The following CAB39L variants were observed in gnomAD, a reference collection of about 807,000 sequenced individuals.
CAB39L encodes calcium-binding protein 39-like.
A neutral mutation model predicts 39.1 loss-of-function variants in CAB39L; 23 were observed. That is an observed-to-expected ratio of 0.59 (90% CI 0.42 to 0.83). The LOEUF (loss-of-function observed/expected upper bound fraction) is 0.83. Among genes scored for constraint, CAB39L ranks in the 40% least tolerant of loss-of-function variants. The pLI is 0.00. For synonymous variants in CAB39L, 126 were observed against 137.2 expected (o/e 0.92, Z 0.57); for missense variants, 366 against 391.9 (o/e 0.93, Z 0.56).
intron 5 of CAB39L, among the ~76,000 whole-genome samples, chr13:49,365,215 C>A (rs1467767650): frequency 2.0e-5 from 3 of 152,066 alleles, no homozygotes; most frequent in African/African-American, 4.8e-5. Context: ...CAGTCTTCAA[C>A]AAATAGTGCA....
At chr13:49,369,846 A>G (rs1566095650) in intron 5 of CAB39L, among the ~76,000 whole-genome samples, 1 of 152,142 alleles carries the variant, frequency 6.6e-6, no homozygotes, top group Non-Finnish European at 1.5e-5. Context: ...TCGGCCTCCC[A>G]AAGTGCTGGG....
intron 10 of CAB39L, among the ~76,000 whole-genome samples, chr13:49,322,557 T>C (rs1349750001): frequency 2.0e-5 from 3 of 152,234 alleles, no homozygotes; most frequent in Non-Finnish European, 2.9e-5. Flanking sequence ...CAATAGCTCA[T>C]TTTAACTATT....
chr13:49,420,792 GA>G (rs1182611862), intron 3 of CAB39L, among the ~76,000 whole-genome samples: 1 of 152,120 alleles, frequency 6.6e-6, no homozygotes. Flanking sequence ...TTGGAATTAC[GA>G]GAATTTGAAA....
At chr13:49,405,778 G>GGACA in intron 3 of CAB39L, among the ~76,000 whole-genome samples, 1 of 149,334 alleles carries the variant, frequency 6.7e-6, no homozygotes, top group African/African-American at 2.5e-5. Context: ...ACAGAGGGAG[G>GGACA]GAGGGAGGGA....
intron 1 of CAB39L, among the ~76,000 whole-genome samples, chr13:49,434,822 G>A (rs1489544091): frequency 6.6e-6 from 1 of 151,746 alleles, no homozygotes; most frequent in Non-Finnish European, 1.5e-5. Flanking sequence ...CAAAATCTAT[G>A]TTCTAGAGCC....
At chr13:49,352,838 T>C (rs1288323583) in intron 6 of CAB39L, among the ~76,000 whole-genome samples, 3 of 152,210 alleles carry the variant, frequency 2.0e-5, no homozygotes, top group Non-Finnish European at 2.9e-5. Flanking sequence ...ACTTTTATGA[T>C]ACTATAAAAC....
chr13:49,371,905 T>C (rs888483847), intron 5 of CAB39L, among the ~76,000 whole-genome samples: 1 of 152,194 alleles, frequency 6.6e-6, no homozygotes, highest in Non-Finnish European at 1.5e-5. Flanking sequence ...TTTGCTAATT[T>C]TTTTTAATGT....
chr13:49,408,403 T>C lies in CAB39L; in HGVS notation c.-32+24915A>G, dbSNP rs149012235. The stretch of plus-strand genomic sequence containing the variant: ...ATAAATGCCCACAGGCAGCTGAACA[T>C]ACAGAACTAGAACTTGGAGAGAAAA... On this transcript the variant is annotated intron_variant, in intron 3 of 10. Coordinates refer to ENST00000409308, the MANE Select transcript of CAB39L (RefSeq NM_001079670.3). 2.0e-3 allele frequency among the ~76,000 whole-genome samples: 311 copies of C among 152,216 alleles called. 1 individual carries two copies. Among genetic ancestry groups the C allele is most frequent in the Non-Finnish European group, 3.5e-3 (240 of 68,002 alleles).
chr13:49,369,875 C>T (rs569632603), intron 5 of CAB39L, among the ~76,000 whole-genome samples: 178 of 151,398 alleles, frequency 1.2e-3, no homozygotes, highest in African/African-American at 3.8e-3. Flanking sequence ...CGTGAGCCAC[C>T]GTGCCCAGCC....
intron 10 of CAB39L, among the ~76,000 whole-genome samples, chr13:49,329,550 T>A (rs1301758629): frequency 0.15 from 921 of 6,154 alleles, 127 homozygotes; most frequent in East Asian, 0.49. Context: ...AAAAAATATA[T>A]ATATATATAT....
intron 10 of CAB39L, among the ~76,000 whole-genome samples, chr13:49,322,507 T>C (rs1954376914): frequency 6.6e-6 from 1 of 152,248 alleles, no homozygotes; most frequent in Non-Finnish European, 1.5e-5. Flanking sequence ...AAATATTTAC[T>C]GTTATGCAGA....
At chr13:49,356,830 C>T (rs1389387901) in intron 6 of CAB39L, among the ~76,000 whole-genome samples, 1 of 151,908 alleles carries the variant, frequency 6.6e-6, no homozygotes, top group Non-Finnish European at 1.5e-5. Context: ...TTTGGGAGGC[C>T]GAGGCAGGCA....
intron 5 of CAB39L, among the ~76,000 whole-genome samples, chr13:49,368,555 A>C (rs1266078591): frequency 6.6e-6 from 1 of 152,190 alleles, no homozygotes; most frequent in Non-Finnish European, 1.5e-5. Flanking sequence ...AAAAGACAGA[A>C]AAACCCTAAA....
In CAB39L at chr13:49,377,041, G is replaced by C. The variant is rs1261641666; in HGVS notation, c.202C>G (p.Gln68Glu). ...CTGCTGTAGAGTTCTTGTGCTAGCTGAGCCACTGCTTCTGTTGGGGGTTCT... is the reference window on the plus strand; with the variant it reads ...CTGCTGTAGAGTTCTTGTGCTAGCTCAGCCACTGCTTCTGTTGGGGGTTCT... ...EKEPPTEAVA[Q>E]LAQELYSSGL... The change falls in exon 5 of 11, where the codon CAG becomes GAG. Residue 68 changes from glutamine (Q) to glutamate (E), a missense_variant. Transcript: ENST00000409308. 6.2e-7 allele frequency: 1 copy of C among 1,613,828 alleles called. No homozygotes were observed. The highest frequency in any genetic ancestry group is 8.5e-7 in the Non-Finnish European group (1 of 1,179,734).
chr13:49,344,323 A>G, intron 7 of CAB39L, 85 bp from the exon 8 acceptor site: 4 of 765,194 alleles, frequency 5.2e-6, no homozygotes, highest in East Asian at 2.6e-5. Flanking sequence ...AAGAACATAT[A>G]AAAGTTGCAG....
chr13:49,387,125 T>C (rs1373310755), intron 3 of CAB39L, among the ~76,000 whole-genome samples: 7 of 152,204 alleles, frequency 4.6e-5, no homozygotes, highest in African/African-American at 1.7e-4. Context: ...ACTTGTTCTA[T>C]CTGTAAAACG....
At chr13:49,422,617 ATTTT>A (rs1215728098) in intron 3 of CAB39L, among the ~76,000 whole-genome samples, 1 of 143,954 alleles carries the variant, frequency 6.9e-6, no homozygotes, top group Non-Finnish European at 1.5e-5. Context: ...TTCTCCCTTA[ATTTT>A]TTTTTTTTTT....
chr13:49,322,857 C>T (rs556730044), intron 10 of CAB39L, among the ~76,000 whole-genome samples: 215 of 152,268 alleles, frequency 1.4e-3, no homozygotes, highest in Non-Finnish European at 2.2e-3. Context: ...CTACAACTCC[C>T]GTTCTCAGAA....
chr13:49,368,358 G>T (rs930587443), intron 5 of CAB39L, among the ~76,000 whole-genome samples: 1 of 152,214 alleles, frequency 6.6e-6, no homozygotes, highest in African/African-American at 2.4e-5. Context: ...GAATAGAAAG[G>T]ATTACAGAAC....
Sources: gnomAD v4.1 joint callset for allele counts (sites outside exome capture counted in the v4.1 genomes callset) on GRCh38, gnomAD v4.1.1 for gene constraint, MANE v1.5 for transcripts, NCBI Gene and HGNC (gene_info 2026-07-23, HGNC 2026-07-21) for gene names.